The following MALRD1 variants were observed in gnomAD, a reference collection of about 807,000 sequenced individuals.
The protein encoded by MALRD1 is MAM and LDL receptor class A domain containing 1, also known as MAM and LDL-receptor class A domain-containing protein 1.
Under a neutral mutation model 242.1 loss-of-function variants are expected in MALRD1, and 247 were observed. The ratio of observed to expected loss-of-function variants is 1.02; its 90% CI spans 0.92 to 1.13. The LOEUF is 1.13. MALRD1 is among the 50% of genes most tolerant of loss of function. The pLI is 0.00. For synonymous variants in MALRD1, 995 were observed against 866.6 expected (o/e 1.15, Z -2.60); for missense variants, 2,989 against 2,533.1 (o/e 1.18, Z -3.86).
chr10:19,655,791 G>A (rs1841128481), intron 36 of MALRD1, among the ~76,000 whole-genome samples: 1 of 151,824 alleles, frequency 6.6e-6, no homozygotes, highest in African/African-American at 2.4e-5. Flanking sequence ...CTGCTAAAGG[G>A]CCACACACTT....
At chr10:19,665,754 G>A (rs1408014212) in intron 36 of MALRD1, among the ~76,000 whole-genome samples, 1 of 152,016 alleles carries the variant, frequency 6.6e-6, no homozygotes, top group African/African-American at 2.4e-5. Flanking sequence ...ATTCCATTTT[G>A]CAGAATACAT....
intron 18 of MALRD1, among the ~76,000 whole-genome samples, chr10:19,238,864 C>A (rs1194439853): frequency 1.3e-5 from 2 of 151,190 alleles, no homozygotes; most frequent in Non-Finnish European, 2.9e-5. Flanking sequence ...GTTCCCTTTT[C>A]TCCACTTCCT....
chr10:19,518,182 T>G (rs1368607299), intron 31 of MALRD1, among the ~76,000 whole-genome samples: 1 of 152,218 alleles, frequency 6.6e-6, no homozygotes, highest in Non-Finnish European at 1.5e-5. Context: ...GTTATACTCC[T>G]AAGTTTTATT....
At chr10:19,415,998 G>A (rs12412797) in intron 28 of MALRD1, among the ~76,000 whole-genome samples, 28,036 of 152,092 alleles carry the variant, frequency 0.18, 2,642 homozygotes, top group African/African-American at 0.24. Flanking sequence ...GAAAGTTTTC[G>A]GATTTGTCTG....
intron 36 of MALRD1, among the ~76,000 whole-genome samples, chr10:19,622,305 T>A (rs543597262): frequency 6.1e-4 from 92 of 151,850 alleles, no homozygotes; most frequent in African/African-American, 2.0e-3. Flanking sequence ...AAATTAGTAT[T>A]CTTAGATTAA....
At chr10:19,278,206 G>T (rs1840629604) in intron 19 of MALRD1, among the ~76,000 whole-genome samples, 1 of 151,920 alleles carries the variant, frequency 6.6e-6, no homozygotes, top group Non-Finnish European at 1.5e-5. Context: ...AAAAAAAACA[G>T]TTTAATGTAT....
chr10:19,140,185 C>T (rs970844585), intron 10 of MALRD1, among the ~76,000 whole-genome samples: 2 of 152,108 alleles, frequency 1.3e-5, no homozygotes, highest in African/African-American at 4.8e-5. Context: ...TCACAGAGAG[C>T]TGATTAACTT....
chr10:19,171,971 TG>T (rs1302016226), intron 13 of MALRD1, among the ~76,000 whole-genome samples: 2 of 33,332 alleles, frequency 6.0e-5, no homozygotes, highest in Admixed American at 3.6e-4. Context: ...CACATATATG[TG>T]ATATATATCA....
intron 23 of MALRD1, among the ~76,000 whole-genome samples, chr10:19,330,907 A>G (rs907177276): frequency 1.1e-4 from 16 of 152,164 alleles, no homozygotes; most frequent in Non-Finnish European, 4.4e-5. Context: ...TTAGCTTTCA[A>G]ATAGTAGGAA....
rs1838045993 is a variant in MALRD1, at chr10:19,595,472, C to T, written c.5944+15C>T. The T allele has an allele frequency of 6.5e-7, 1 of 1,543,820 alleles. No homozygotes were observed. Among genetic ancestry groups the T allele is most frequent in the Non-Finnish European group, 8.8e-7 (1 of 1,141,980 alleles). On this transcript the variant is annotated intron_variant, in intron 34 of 39. Transcript: ENST00000454679. The stretch of plus-strand genomic sequence containing the variant: ...GCTCATCTGCTGTGAGTTATTTTCA[C>T]TAACTCAATGTGTAAGGGAAGGCAT...
intron 36 of MALRD1, among the ~76,000 whole-genome samples, chr10:19,628,216 T>G (rs1839758774): frequency 6.6e-6 from 1 of 152,130 alleles, no homozygotes. Context: ...ATATACAACA[T>G]GGAGAAAAAT....
chr10:19,334,461 AG>A (rs1843520244), intron 24 of MALRD1, among the ~76,000 whole-genome samples: 1 of 151,786 alleles, frequency 6.6e-6, no homozygotes, highest in Non-Finnish European at 1.5e-5. Flanking sequence ...AGTGTTTGAG[AG>A]ATGATAAGTG....
In MALRD1 at chr10:19,315,585, T is replaced by TATAATTTA. The variant is rs1187248291; in HGVS notation, c.3420-8364_3420-8363insATAATTTA. ...TTTATATAAATATATAAATTATAAA[T>TATAATTTA]TATAAATATTTATATAAATTATAAA... On this transcript the variant is annotated intron_variant, in intron 21 of 39. Transcript: ENST00000454679. Among the ~76,000 whole-genome samples the TATAATTTA allele has an allele frequency of 7.0e-4, 41 of 58,222 alleles. 1 individual carries two copies. In the East Asian group the frequency reaches 0.013, roughly 19 times the overall value. The allele number at this position is 58,222 out of a possible 152,430, so 38.2% of individuals were successfully genotyped here.
At chr10:19,429,911 A>G (rs1392356961) in intron 28 of MALRD1, among the ~76,000 whole-genome samples, 1 of 151,990 alleles carries the variant, frequency 6.6e-6, no homozygotes, top group Non-Finnish European at 1.5e-5. Context: ...GCCCTGACTC[A>G]TCCCACAAAT....
At chr10:19,172,903 A>G (rs1835073128) in intron 13 of MALRD1, among the ~76,000 whole-genome samples, 1 of 152,066 alleles carries the variant, frequency 6.6e-6, no homozygotes, top group African/African-American at 2.4e-5. Context: ...TGTATATTTT[A>G]CCAAGATCCT....
intron 1 of MALRD1, 63 bp downstream of exon 1, chr10:19,049,200 A>T: frequency 1.7e-6 from 2 of 1,208,308 alleles, no homozygotes; most frequent in Non-Finnish European, 2.1e-6. Context: ...AGGGCCTCTG[A>T]GCAGTCTGGG....
intron 36 of MALRD1, among the ~76,000 whole-genome samples, chr10:19,669,883 A>T (rs1305115693): frequency 6.6e-6 from 1 of 152,178 alleles, no homozygotes; most frequent in African/African-American, 2.4e-5. Context: ...TTTTGGTTAT[A>T]ACAATAAAAT....
At chr10:19,395,337 G>A (rs1274502348) in intron 28 of MALRD1, among the ~76,000 whole-genome samples, 1 of 152,144 alleles carries the variant, frequency 6.6e-6, no homozygotes, top group East Asian at 1.9e-4. Context: ...AGGTAGACAT[G>A]AGACATCAAT....
intron 36 of MALRD1, among the ~76,000 whole-genome samples, chr10:19,675,561 A>G (rs1541025): frequency 0.15 from 22,212 of 152,226 alleles, 2,767 homozygotes; most frequent in African/African-American, 0.34. Flanking sequence ...CTCTGGGGAG[A>G]AGAATAAATA....
Sources: allele counts gnomAD v4.1 joint callset (sites outside exome capture counted in the v4.1 genomes callset), GRCh38; gene constraint gnomAD v4.1.1; transcripts MANE v1.5; gene names NCBI Gene and HGNC (gene_info 2026-07-23, HGNC 2026-07-21).